The following AXIN1 variants were observed in gnomAD, a reference collection of about 807,000 sequenced individuals.
AXIN1 encodes the protein axin-1.
Under a neutral mutation model 76.4 loss-of-function variants are expected in AXIN1, and 30 were observed. That is an observed-to-expected ratio of 0.39 (90% CI 0.29 to 0.53). The LOEUF is 0.53. Ranked by LOEUF, AXIN1 falls within the 20% of genes least tolerant of loss-of-function variation. The probability of loss-of-function intolerance (pLI) is 0.66; values close to 1 mark genes in which losing one functional copy is unlikely to be tolerated. For missense variants in AXIN1, 1,140 were observed against 1,198.8 expected (o/e 0.95, Z 0.72); for synonymous variants, 545 against 501.4 (o/e 1.09, Z -1.16).
At chr16:340,956 G>A (rs1431452132) in intron 2 of AXIN1, among the ~76,000 whole-genome samples, 1 of 152,252 alleles carries the variant, frequency 6.6e-6, no homozygotes, top group Non-Finnish European at 1.5e-5. Context: ...GTGCTGGACC[G>A]CAGCAGCCCC....
intron 2 of AXIN1, among the ~76,000 whole-genome samples, chr16:323,352 T>C (rs1207317801): frequency 1.4e-5 from 2 of 139,746 alleles, no homozygotes; most frequent in African/African-American, 5.5e-5. Context: ...GGCAGGAGAA[T>C]GGCGTGAACC....
intron 4 of AXIN1, among the ~76,000 whole-genome samples, chr16:308,195 G>A (rs1045754006): frequency 6.6e-6 from 1 of 152,180 alleles, no homozygotes; most frequent in Admixed American, 6.5e-5. Context: ...ACTCAAATGT[G>A]ACCCTCCAGG....
chr16:288,691 G>C (rs933212808), intron 10 of AXIN1, among the ~76,000 whole-genome samples: 2 of 152,264 alleles, frequency 1.3e-5, no homozygotes, highest in Admixed American at 6.5e-5. Context: ...CAGGCTCTTG[G>C]GGTCAGGCCC....
chr16:326,370 A>ATATATATATATATATATATATATATATAT (rs1415761664), intron 2 of AXIN1, among the ~76,000 whole-genome samples: 1 of 93,010 alleles, frequency 1.1e-5, no homozygotes, highest in African/African-American at 6.2e-5. Flanking sequence ...AAAAAAAAAA[A>ATATATATATATATATATATATATATATAT]AAATATATAT....
At chr16:316,636 G>A (rs1356881402) in intron 2 of AXIN1, among the ~76,000 whole-genome samples, 5 of 152,180 alleles carry the variant, frequency 3.3e-5, no homozygotes, top group African/African-American at 1.2e-4. Context: ...CAGCTTTACA[G>A]GGGGTTTATC....
intron 2 of AXIN1, among the ~76,000 whole-genome samples, chr16:339,196 C>CAAA (rs1002630324): frequency 1.0e-3 from 35 of 34,620 alleles, no homozygotes; most frequent in Non-Finnish European, 1.2e-3. Flanking sequence ...AGCCTGGTCT[C>CAAA]AAAAAAAAAA....
At chr16:318,707 C>T (rs1348263477) in intron 2 of AXIN1, among the ~76,000 whole-genome samples, 1 of 152,206 alleles carries the variant, frequency 6.6e-6, no homozygotes, top group African/African-American at 2.4e-5. Flanking sequence ...TGTGTGCATG[C>T]CCACGTATCC....
At chr16:308,404 CAGAGTCTGT>C (rs2053084632) in intron 4 of AXIN1, among the ~76,000 whole-genome samples, 1 of 152,226 alleles carries the variant, frequency 6.6e-6, no homozygotes, top group Non-Finnish European at 1.5e-5. Context: ...CCCCCTCATC[CAGAGTCTGT>C]GGCATGCACT....
chr16:292,976 A>C, intron 8 of AXIN1: 1 of 164,874 alleles, frequency 6.1e-6, no homozygotes, highest in Non-Finnish European at 1.3e-5. Flanking sequence ...AAGAGGACAC[A>C]GCGAGGAGGG....
intron 4 of AXIN1, 92 bp from the exon 5 acceptor site, chr16:304,533 G>T (rs1358633036): frequency 1.3e-6 from 2 of 1,569,518 alleles, no homozygotes; most frequent in Non-Finnish European, 1.7e-6. Flanking sequence ...TATCTCTGTT[G>T]TATTTTATTT....
In AXIN1 at chr16:326,240, G is replaced by A. The variant is rs2053576016; in HGVS notation, c.879-11557C>T. Among the ~76,000 whole-genome samples the A allele has an allele frequency of 4.0e-5, 6 of 150,306 alleles. No homozygotes were observed. The South Asian group carries it at 1.3e-3, about 32-fold the overall frequency. ...ATGGCGACAGGCGCCCATAATCCCA[G>A]CTACTCGGGAGGCTGAGTCAGGAGA... On this transcript the variant is annotated intron_variant, in intron 2 of 10. Coordinates refer to ENST00000262320, the MANE Select transcript of AXIN1 (RefSeq NM_003502.4).
chr16:306,874 G>A (rs560207222), intron 4 of AXIN1, among the ~76,000 whole-genome samples: 1 of 152,356 alleles, frequency 6.6e-6, no homozygotes, highest in South Asian at 2.1e-4. Context: ...GGCTGGGGCT[G>A]GCACCAGCAG....
chr16:293,278 G>A lies in AXIN1; in HGVS notation c.2186+210C>T, dbSNP rs2141483616. On this transcript the variant is annotated intron_variant, in intron 8 of 10. Coordinates refer to ENST00000262320, the MANE Select transcript of AXIN1 (RefSeq NM_003502.4). This position sits in a 1 kb window ranked among gnomAD's most constrained non-coding sequence, Gnocchi z 4.6. Reference sequence around the variant, plus strand: ...ATGAGCGCGGCGGCCTCGGGTGTGTGAAAGCTCCAGCCCCAGCCTCCGTCC... The same window carrying A: ...ATGAGCGCGGCGGCCTCGGGTGTGTAAAAGCTCCAGCCCCAGCCTCCGTCC... 1 of 612,904 alleles carries A rather than the reference G, an allele frequency of 1.6e-6. No homozygotes were observed. The highest frequency in any genetic ancestry group is 1.8e-5 in the African/African-American group (1 of 54,206). The allele number at this position is 612,904 out of a possible 1,614,324, so 38.0% of individuals were successfully genotyped here.
chr16:346,097 T>G (rs2054027418), intron 2 of AXIN1, 51 bp downstream of exon 2: 2 of 1,585,028 alleles, frequency 1.3e-6, no homozygotes, highest in Non-Finnish European at 1.7e-6. Context: ...TGGCTTGTTC[T>G]CCAGCTCTCG....
intron 7 of AXIN1, among the ~76,000 whole-genome samples, chr16:296,159 C>T (rs928579529): frequency 4.6e-5 from 7 of 152,218 alleles, no homozygotes; most frequent in African/African-American, 7.2e-5. Flanking sequence ...CCCAGAAAAA[C>T]GATGAGCCCG....
intron 7 of AXIN1, among the ~76,000 whole-genome samples, chr16:296,600 G>A (rs1472921135): frequency 6.6e-6 from 1 of 152,210 alleles, no homozygotes; most frequent in African/African-American, 2.4e-5. Flanking sequence ...TGCCCTTCTG[G>A]GAGGAGAGAA....
At chr16:289,948 G>A (rs1205095812) in intron 9 of AXIN1, 6 of 447,254 alleles carry the variant, frequency 1.3e-5, no homozygotes, top group Admixed American at 7.1e-5. Context: ...AAGACCTACG[G>A]CCCCCAAACC....
At position 309,981 on chromosome 16, in the gene AXIN1, G is replaced by C. The variant is rs748445916; in HGVS notation, c.1108C>G (p.His370Asp). The C allele has an allele frequency of 6.2e-7, 1 of 1,613,456 alleles. No individual in the cohort carries two copies. Among genetic ancestry groups the C allele is most frequent in the Non-Finnish European group, 8.5e-7 (1 of 1,179,968 alleles). The change falls in exon 4 of 11, where the codon CAC (histidine) becomes GAC (aspartate). Residue 370 changes from histidine (H) to aspartate (D), a missense_variant. His to Asp is a moderately conservative substitution (Grantham distance 81). Around this residue, in one of 3 missense-constraint regions of AXIN1, gnomAD observed 708 missense variants for 776.9 expected, o/e 0.91. Coordinates refer to ENST00000262320, the MANE Select transcript of AXIN1 (RefSeq NM_003502.4). The stretch of plus-strand genomic sequence containing the variant: ...GCAAAGCCGGTACTTACGGGAATGT[G>C]AGGTAGGGGCACCCGCCCATTGACC... ...VQVNGRVPLPHIPRTYRVPKE... is the reference protein window; with the variant it reads ...VQVNGRVPLPDIPRTYRVPKE...
intron 7 of AXIN1, among the ~76,000 whole-genome samples, chr16:296,084 ACT>A (rs1431086528): frequency 2.6e-5 from 4 of 152,304 alleles, no homozygotes; most frequent in Admixed American, 6.5e-5. Flanking sequence ...TGGGCAACAC[ACT>A]GAGACCCCCT....
Sources: gnomAD v4.1 joint callset for allele counts (sites outside exome capture counted in the v4.1 genomes callset) on GRCh38, gnomAD v4.1.1 for gene constraint, gnomAD v4.1.1 regional missense constraint, Gnocchi (gnomAD v3.1) non-coding constraint, MANE v1.5 for transcripts, NCBI Gene and HGNC (gene_info 2026-07-23, HGNC 2026-07-21) for gene names.